The following EPCIP variants were observed in gnomAD, a reference collection of about 807,000 sequenced individuals.
EPCIP encodes exosomal polycystin-1-interacting protein.
chr21:32,810,337 C>A, the EPCIP span, among the ~76,000 whole-genome samples: 2 of 145,614 alleles, frequency 1.4e-5, no homozygotes, highest in Non-Finnish European at 3.0e-5. Flanking sequence ...CTCATTGCAA[C>A]CTCCGCCTCC....
chr21:32,799,213 T>C, the EPCIP span, among the ~76,000 whole-genome samples: 2 of 152,136 alleles, frequency 1.3e-5, no homozygotes, highest in African/African-American at 4.8e-5. Context: ...ACCCATGGGA[T>C]GAGCATGGGT....
chr21:32,806,947 C>A, the EPCIP span, among the ~76,000 whole-genome samples: 2 of 152,154 alleles, frequency 1.3e-5, no homozygotes, highest in African/African-American at 4.8e-5. Flanking sequence ...AGTCGTGTCT[C>A]ACATGGTGGC....
the EPCIP span, among the ~76,000 whole-genome samples, chr21:32,800,532 C>T: frequency 2.6e-5 from 4 of 152,274 alleles, no homozygotes; most frequent in South Asian, 2.1e-4. Context: ...TAAGTAAGCA[C>T]ATAGGCCGGG....
the EPCIP span, chr21:32,798,679 A>G: frequency 6.6e-6 from 1 of 152,192 alleles, no homozygotes; most frequent in East Asian, 1.9e-4. Context: ...GAATAAATAA[A>G]TATGGCTGGG....
the EPCIP span, among the ~76,000 whole-genome samples, chr21:32,811,154 C>A: frequency 6.7e-6 from 1 of 149,740 alleles, no homozygotes. Context: ...TTTTTTAGAC[C>A]GAGTCTCAGT....
chr21:32,810,405 A>G, the EPCIP span, among the ~76,000 whole-genome samples: 64 of 140,830 alleles, frequency 4.5e-4, no homozygotes, highest in African/African-American at 1.4e-3. Flanking sequence ...ACAGGCGCCC[A>G]CCACCATGCC....
chr21:32,801,366 A>G, the EPCIP span, among the ~76,000 whole-genome samples: 23 of 152,366 alleles, frequency 1.5e-4, no homozygotes, highest in African/African-American at 4.8e-4. Flanking sequence ...TGAGAAATCA[A>G]CATTTAGAGG....
the EPCIP span, among the ~76,000 whole-genome samples, chr21:32,811,609 G>A: frequency 6.6e-6 from 1 of 152,194 alleles, no homozygotes; most frequent in Non-Finnish European, 1.5e-5. Context: ...GCCTATTCAA[G>A]TGAGATTCCA....
the EPCIP span, among the ~76,000 whole-genome samples, chr21:32,810,985 T>G: frequency 6.6e-6 from 1 of 152,262 alleles, no homozygotes; most frequent in Non-Finnish European, 1.5e-5. Flanking sequence ...TACTGAAAAT[T>G]GAATGAAATC....
chr21:32,793,873 T>A, the EPCIP span: 3 of 1,614,020 alleles, frequency 1.9e-6, no homozygotes, highest in African/African-American at 4.0e-5. Context: ...CAATACTATA[T>A]GATTTTAAGG....
chr21:32,803,728 T>TTACTGTGATACTGTGA, the EPCIP span, among the ~76,000 whole-genome samples: 1 of 152,224 alleles, frequency 6.6e-6, no homozygotes, highest in Non-Finnish European at 1.5e-5. Flanking sequence ...CAATGTTTTC[T>TTACTGTGATACTGTGA]TACTGTGATA....
At chr21:32,802,015 T>C in the EPCIP span, among the ~76,000 whole-genome samples, 2 of 152,150 alleles carry the variant, frequency 1.3e-5, no homozygotes, top group Non-Finnish European at 2.9e-5. Context: ...GTCCTTAGTA[T>C]GTTTAGAGCA....
At chr21:32,812,274 C>G in the EPCIP span, among the ~76,000 whole-genome samples, 1 of 152,186 alleles carries the variant, frequency 6.6e-6, no homozygotes, top group African/African-American at 2.4e-5. Flanking sequence ...AATTGCATCA[C>G]TGGGGTTCAC....
chr21:32,805,361 T>TG, the EPCIP span, among the ~76,000 whole-genome samples: 1 of 103,694 alleles, frequency 9.6e-6, no homozygotes, highest in African/African-American at 3.6e-5. Context: ...GTAGATTATA[T>TG]TTTTTTTTTT....
At chr21:32,806,727 G>C in the EPCIP span, among the ~76,000 whole-genome samples, 3 of 152,166 alleles carry the variant, frequency 2.0e-5, no homozygotes, top group East Asian at 1.9e-4. Flanking sequence ...ATTTTATTTG[G>C]AAAGCACTGA....
At chr21:32,806,445 G>A in the EPCIP span, among the ~76,000 whole-genome samples, 19 of 152,144 alleles carry the variant, frequency 1.2e-4, no homozygotes, top group African/African-American at 4.6e-4. Flanking sequence ...AGACCCCTGG[G>A]GACTCAAAGA....
chr21:32,799,578 C>G, the EPCIP span, among the ~76,000 whole-genome samples: 1 of 152,196 alleles, frequency 6.6e-6, no homozygotes, highest in Non-Finnish European at 1.5e-5. Context: ...ATCTTCTCAG[C>G]TTCTGACTCT....
chr21:32,791,635 A>C, the EPCIP span: 1 of 152,094 alleles, frequency 6.6e-6, no homozygotes, highest in Non-Finnish European at 1.5e-5. Flanking sequence ...AAACACTGAC[A>C]TGGGCTCATG....
chr21:32,810,201 T>C, the EPCIP span, among the ~76,000 whole-genome samples: 1 of 149,372 alleles, frequency 6.7e-6, no homozygotes, highest in African/African-American at 2.4e-5. Flanking sequence ...GTTTTCTGGC[T>C]CCTTCAATGG....
Sources: allele counts gnomAD v4.1 joint callset (sites outside exome capture counted in the v4.1 genomes callset), GRCh38; gene constraint gnomAD v4.1.1; transcripts MANE v1.5; gene names NCBI Gene and HGNC (gene_info 2026-07-23, HGNC 2026-07-21).